The following TULP4 variants were observed in gnomAD, a reference collection of about 807,000 sequenced individuals.
TULP4 encodes tubby-related protein 4.
A neutral mutation model predicts 129.0 loss-of-function variants in TULP4; 16 were observed. The observed-to-expected ratio is 0.12, with a 90% CI of 0.08 to 0.19. The LOEUF (loss-of-function observed/expected upper bound fraction) is 0.19. Among genes scored for constraint, TULP4 ranks in the 10% least tolerant of loss-of-function variants. The pLI is 1.00. For synonymous variants in TULP4, 998 were observed against 854.0 expected (o/e 1.17, Z -2.94); for missense variants, 1,842 against 2,059.1 (o/e 0.89, Z 2.04).
chr6:158,301,395 A>C (rs1446018535), intron 1 of TULP4, among the ~76,000 whole-genome samples: 1 of 44,814 alleles, frequency 2.2e-5, no homozygotes, highest in African/African-American at 5.7e-5. Context: ...AAAATCAAAC[A>C]GTTTTTTTTT....
intron 1 of TULP4, among the ~76,000 whole-genome samples, chr6:158,405,660 A>T (rs938831640): frequency 2.6e-5 from 4 of 152,124 alleles, no homozygotes; most frequent in African/African-American, 9.7e-5. Context: ...CCTGGATTCT[A>T]TCCAAGCCAC....
At position 158,472,149 on chromosome 6, in the gene TULP4, G is replaced by C. The variant is rs145226390; in HGVS notation, c.1027-7602G>C. On this transcript the variant is annotated intron_variant, in intron 6 of 13. Coordinates refer to ENST00000367097, the MANE Select transcript of TULP4 (RefSeq NM_020245.5). ...CCCCTTCTCTGTAAACCCTCGGGGT[G>C]TTTAACACCTCTGGCATGTATTACA... Among the ~76,000 whole-genome samples the C allele has an allele frequency of 3.1e-3, 479 of 152,274 alleles. 5 individuals are homozygous for C. The highest frequency in any genetic ancestry group is 0.011 in the African/African-American group (461 of 41,538).
chr6:158,398,628 A>T (rs1015217776), intron 1 of TULP4: 2 of 152,252 alleles, frequency 1.3e-5, no homozygotes. Context: ...ATTTTTAAAA[A>T]AGACTTTCTG....
chr6:158,480,676 T>G (rs1487766306), intron 7 of TULP4, among the ~76,000 whole-genome samples: 1 of 146,816 alleles, frequency 6.8e-6, no homozygotes, highest in Admixed American at 7.2e-5. Flanking sequence ...CATCAAAGTT[T>G]TAGAATCTGT....
upstream of TULP4, among the ~76,000 whole-genome samples, chr6:158,279,008 C>T (rs1213031582): frequency 2.7e-5 from 4 of 147,688 alleles, no homozygotes; most frequent in Non-Finnish European, 4.5e-5. Flanking sequence ...GGCGTGATCT[C>T]GGCTCACTGC....
intron 6 of TULP4, among the ~76,000 whole-genome samples, chr6:158,476,589 C>G (rs1219503929): frequency 6.6e-6 from 1 of 152,220 alleles, no homozygotes; most frequent in Non-Finnish European, 1.5e-5. Flanking sequence ...GTTCATCCAA[C>G]CATGCTACCT....
intron 5 of TULP4, among the ~76,000 whole-genome samples, chr6:158,457,886 C>CT: frequency 6.6e-6 from 1 of 151,702 alleles, no homozygotes; most frequent in African/African-American, 2.4e-5. Flanking sequence ...GTACGTGCCC[C>CT]TTTTTTTCAG....
intron 2 of TULP4, among the ~76,000 whole-genome samples, chr6:158,417,817 C>G (rs1324878861): frequency 6.6e-6 from 1 of 152,200 alleles, no homozygotes. Context: ...GATGCTTTAA[C>G]AATTTCTTTT....
intron 1 of TULP4, among the ~76,000 whole-genome samples, chr6:158,255,911 C>T (rs894759899): frequency 6.6e-6 from 1 of 152,180 alleles, no homozygotes; most frequent in Non-Finnish European, 1.5e-5. Context: ...GAGGTGGCTT[C>T]CCTGGGGAAA....
chr6:158,440,955 A>C (rs1184086653), intron 3 of TULP4, among the ~76,000 whole-genome samples: 3 of 152,232 alleles, frequency 2.0e-5, no homozygotes, highest in African/African-American at 7.2e-5. Context: ...TCAGGCGATG[A>C]ATCACCAAAT....
At chr6:158,429,694 T>C (rs781117877) in intron 2 of TULP4, 42 bp from the exon 3 acceptor site, 3 of 1,587,848 alleles carry the variant, frequency 1.9e-6, no homozygotes. Flanking sequence ...ATGTTTTCCT[T>C]TTCAGATTAC....
chr6:158,477,332 G>T (rs1203124113), intron 6 of TULP4, among the ~76,000 whole-genome samples: 1 of 152,098 alleles, frequency 6.6e-6, no homozygotes, highest in Non-Finnish European at 1.5e-5. Context: ...CTGCCTTTCA[G>T]ATAGCTGGAC....
At chr6:158,368,539 G>C (rs1399387765) in intron 1 of TULP4, among the ~76,000 whole-genome samples, 1 of 152,206 alleles carries the variant, frequency 6.6e-6, no homozygotes, top group Non-Finnish European at 1.5e-5. Flanking sequence ...ATCTCTAGTA[G>C]TGTTTCACGG....
Position 158,392,794 on chromosome 6 carries a change from C to T in TULP4, c.253-20271C>T, listed in dbSNP as rs76664682. Among the ~76,000 whole-genome samples, 207 of 54,594 alleles carry T rather than the reference C, an allele frequency of 3.8e-3. 2 individuals carry two copies. Among genetic ancestry groups the T allele is most frequent in the African/African-American group, 7.9e-3 (90 of 11,446 alleles). The allele number at this position is 54,594 out of a possible 152,430, so 35.8% of individuals were successfully genotyped here. ...GTACCTATTGTTTAAATTTGTATTT[C>T]TTTTTTTTTTTTTTTTTTTTTTTTT... On this transcript the variant is annotated intron_variant, in intron 1 of 13. Transcript: ENST00000367097.
chr6:158,486,834 G>A (rs1184954035), intron 8 of TULP4, among the ~76,000 whole-genome samples: 2 of 152,124 alleles, frequency 1.3e-5, no homozygotes, highest in South Asian at 4.2e-4. Flanking sequence ...CAGGAAGCTG[G>A]GCACAGTGGC....
chr6:158,239,278 G>C (rs1430882834), intron 1 of TULP4, among the ~76,000 whole-genome samples: 1 of 58,686 alleles, frequency 1.7e-5, no homozygotes, highest in Non-Finnish European at 3.7e-5. Context: ...TGGCCGGGCA[G>C]AGGGGCTCCT....
intron 13 of TULP4, among the ~76,000 whole-genome samples, chr6:158,504,795 A>G (rs1780561550): frequency 6.6e-6 from 1 of 152,146 alleles, no homozygotes; most frequent in Non-Finnish European, 1.5e-5. Context: ...CCTGGCCTGC[A>G]GTCATATTTG....
At chr6:158,445,195 T>G (rs1779007153) in intron 3 of TULP4, among the ~76,000 whole-genome samples, 1 of 152,164 alleles carries the variant, frequency 6.6e-6, no homozygotes, top group African/African-American at 2.4e-5. Context: ...GCCATTGAAT[T>G]AGTATGACTT....
intron 6 of TULP4, among the ~76,000 whole-genome samples, chr6:158,469,119 C>T (rs1461430098): frequency 2.0e-5 from 3 of 152,038 alleles, no homozygotes; most frequent in Admixed American, 6.6e-5. Flanking sequence ...ACTAAACTGA[C>T]GTCAGTGTTA....
Sources: allele counts gnomAD v4.1 joint callset (sites outside exome capture counted in the v4.1 genomes callset), GRCh38; gene constraint gnomAD v4.1.1; transcripts MANE v1.5; gene names NCBI Gene and HGNC (gene_info 2026-07-23, HGNC 2026-07-21).